The following DISC1 variants were observed in gnomAD, a reference collection of about 807,000 sequenced individuals.
The protein encoded by DISC1 is DISC1 scaffold protein.
DISC1 carries 57 observed loss-of-function variants against 84.5 expected under a neutral mutation model. The ratio of observed to expected loss-of-function variants is 0.67; its 90% confidence interval spans 0.55 to 0.84. The LOEUF is 0.84. Ranked by LOEUF, DISC1 falls within the 40% of genes least tolerant of loss-of-function variation. The pLI is 0.00. For synonymous variants in DISC1, 411 were observed against 415.2 expected (o/e 0.99, Z 0.12); for missense variants, 1,000 against 1,057.8 (o/e 0.95, Z 0.76).
At chr1:231,658,706 G>A (rs1006794570) in intron 1 of DISC1, among the ~76,000 whole-genome samples, 19 of 151,978 alleles carry the variant, frequency 1.3e-4, no homozygotes, top group Admixed American at 3.3e-4. Context: ...AGATTTTATC[G>A]AAGGCCTTTT....
At chr1:231,692,514 G>C (rs966162067) in intron 1 of DISC1, among the ~76,000 whole-genome samples, 1 of 152,238 alleles carries the variant, frequency 6.6e-6, no homozygotes, top group Non-Finnish European at 1.5e-5. Context: ...AGCTCAGTGG[G>C]ATCCTTAATG....
At chr1:232,015,264 T>C (rs888862833) in intron 11 of DISC1, among the ~76,000 whole-genome samples, 1 of 152,118 alleles carries the variant, frequency 6.6e-6, no homozygotes, top group Non-Finnish European at 1.5e-5. Flanking sequence ...CCTTGCTCCA[T>C]GCTCCAGGGC....
intron 1 of DISC1, among the ~76,000 whole-genome samples, chr1:231,646,429 G>A (rs954013310): frequency 2.0e-5 from 3 of 152,118 alleles, no homozygotes; most frequent in African/African-American, 4.8e-5. Context: ...TTGGTTCCAA[G>A]TTTTTGCTAT....
In DISC1 at chr1:231,993,533, G is replaced by T. The variant is rs1665511361; in HGVS notation, c.2043-15252G>T. Among the ~76,000 whole-genome samples the T allele has an allele frequency of 2.0e-5, 3 of 152,108 alleles. No homozygotes were observed. The South Asian group carries it at 6.2e-4, about 32-fold the overall frequency. On this transcript the variant is annotated intron_variant, in intron 10 of 12. Transcript: ENST00000439617. ...ATTCTCAGTTTATAATCTGTAAGAGGGTACTGGGGCTGAGGAAAATAACAA... is the reference window on the plus strand; with the variant it reads ...ATTCTCAGTTTATAATCTGTAAGAGTGTACTGGGGCTGAGGAAAATAACAA...
intron 8 of DISC1, among the ~76,000 whole-genome samples, chr1:231,801,191 C>CAGT (rs1050315520): frequency 6.6e-6 from 1 of 152,058 alleles, no homozygotes; most frequent in Non-Finnish European, 1.5e-5. Context: ...TATTTACAAC[C>CAGT]AGTAGAACAT....
intron 4 of DISC1, among the ~76,000 whole-genome samples, chr1:231,757,084 G>A (rs1347134268): frequency 6.6e-6 from 1 of 152,120 alleles, no homozygotes; most frequent in Non-Finnish European, 1.5e-5. Context: ...AATGAGTGGT[G>A]CTTTTCCTGT....
At chr1:231,875,205 T>C (rs191325386) in intron 9 of DISC1, among the ~76,000 whole-genome samples, 1 of 152,304 alleles carries the variant, frequency 6.6e-6, no homozygotes, top group East Asian at 1.9e-4. Flanking sequence ...GAGTAGATGA[T>C]CCAGGATGCT....
intron 9 of DISC1, chr1:231,855,311 A>G (rs1381425085): frequency 3.2e-6 from 3 of 935,846 alleles, no homozygotes; most frequent in Non-Finnish European, 3.8e-6. Context: ...ATAACATGTT[A>G]TATATATAAT....
At chr1:232,030,281 G>T (rs761244019) in intron 12 of DISC1, among the ~76,000 whole-genome samples, 1 of 152,184 alleles carries the variant, frequency 6.6e-6, no homozygotes. Context: ...TCTCCTCCAC[G>T]CTCAAAATAT....
intron 1 of DISC1, among the ~76,000 whole-genome samples, chr1:231,688,613 T>C (rs949985715): frequency 2.0e-5 from 3 of 151,748 alleles, no homozygotes; most frequent in African/African-American, 7.3e-5. Context: ...CCAACTGAGC[T>C]AACCAGGTTC....
intron 8 of DISC1, among the ~76,000 whole-genome samples, chr1:231,816,196 AT>A (rs1275003526): frequency 6.6e-6 from 1 of 152,190 alleles, no homozygotes; most frequent in African/African-American, 2.4e-5. Context: ...TTTCTTAATG[AT>A]TAATGATGTC....
At chr1:231,846,619 C>G (rs1206795547) in intron 9 of DISC1, among the ~76,000 whole-genome samples, 6 of 152,150 alleles carry the variant, frequency 3.9e-5, no homozygotes, top group Non-Finnish European at 8.8e-5. Context: ...CACGCCAGTT[C>G]CAAATCGCAT....
At chr1:232,010,501 C>G (rs1667926912) in intron 11 of DISC1, among the ~76,000 whole-genome samples, 1 of 152,026 alleles carries the variant, frequency 6.6e-6, no homozygotes, top group Non-Finnish European at 1.5e-5. Context: ...CTGCTGGAGG[C>G]CAGGACTGAT....
In DISC1 at chr1:231,912,742, C is replaced by CG. The variant is rs2089310320; in HGVS notation, c.1982-46086_1982-46085insG. Reference sequence around the variant, plus strand: ...GGGACATTTAAGTCTGCAGCTTGCTCTTCTTTCTTTCTTTCTTTCTTTCTT... The same window carrying CG: ...GGGACATTTAAGTCTGCAGCTTGCTCGTTCTTTCTTTCTTTCTTTCTTTCTT... On this transcript the variant is annotated intron_variant, in intron 9 of 12. Coordinates refer to ENST00000439617, the MANE Select transcript of DISC1 (RefSeq NM_018662.3). 2.3e-5 allele frequency among the ~76,000 whole-genome samples: 3 copies of CG among 132,474 alleles called. No individual in the cohort carries two copies. The Admixed American group carries it at 2.4e-4, about 11-fold the overall frequency. The allele number at this position is 132,474 out of a possible 152,430, so 86.9% of individuals were successfully genotyped here.
At chr1:231,864,678 C>T (rs2084928775) in intron 9 of DISC1, among the ~76,000 whole-genome samples, 2 of 152,012 alleles carry the variant, frequency 1.3e-5, no homozygotes, top group Admixed American at 6.6e-5. Flanking sequence ...AATAAAACAA[C>T]AACAACAACA....
At chr1:231,786,918 G>A (rs1183924711) in intron 6 of DISC1, among the ~76,000 whole-genome samples, 1 of 152,154 alleles carries the variant, frequency 6.6e-6, no homozygotes, top group African/African-American at 2.4e-5. Flanking sequence ...TCTCGTTTTG[G>A]CTGCCTGAAC....
At position 231,791,952 on chromosome 1, in the gene DISC1, C is replaced by A. The variant is rs1247551743; in HGVS notation, c.1635-3290C>A. 4.6e-5 allele frequency among the ~76,000 whole-genome samples: 7 copies of A among 152,242 alleles called. No homozygotes were observed. In the East Asian group the frequency reaches 5.8e-4, roughly 13 times the overall value. ...CACCCCACTTCAATAAAAGCAGATT[C>A]CCTGTTATCTTTATTATGTTTTATA... On this transcript the variant is annotated intron_variant, in intron 6 of 12. Transcript: ENST00000439617.
In DISC1 at chr1:231,882,989, G is replaced by A. The variant is rs141565008; in HGVS notation, c.1981+64472G>A. 2.3e-3 allele frequency among the ~76,000 whole-genome samples: 351 copies of A among 151,796 alleles called. 2 individuals carry two copies. Among genetic ancestry groups the A allele is most frequent in the African/African-American group, 7.8e-3 (324 of 41,414 alleles). On this transcript the variant is annotated intron_variant, in intron 9 of 12. Transcript: ENST00000439617. ...GAGAACACAAGCACAAGCATAAGAC[G>A]GTTCTGCTCCCAAGAGGCTCATTCG...
intron 9 of DISC1, among the ~76,000 whole-genome samples, chr1:231,958,195 A>C (rs1362721948): frequency 6.6e-6 from 1 of 152,228 alleles, no homozygotes; most frequent in East Asian, 1.9e-4. Context: ...AAAGTATATC[A>C]AATCTCTTTT....
Sources: gnomAD v4.1 joint callset for allele counts (sites outside exome capture counted in the v4.1 genomes callset) on GRCh38, gnomAD v4.1.1 for gene constraint, MANE v1.5 for transcripts, NCBI Gene and HGNC (gene_info 2026-07-23, HGNC 2026-07-21) for gene names.